Variants in MACROD2 observed in about 807,000 individuals in gnomAD.
The protein encoded by MACROD2 is mono-ADP ribosylhydrolase 2.
In MACROD2, 36 loss-of-function variants were observed where a neutral mutation model predicts 70.4. The ratio of observed to expected loss-of-function variants is 0.51; its 90% CI spans 0.39 to 0.68. The LOEUF (loss-of-function observed/expected upper bound fraction) is 0.68. Among genes scored for constraint, MACROD2 ranks in the 30% least tolerant of loss-of-function variants. The probability of loss-of-function intolerance (pLI) is 0.00; values close to 1 mark genes in which losing one functional copy is unlikely to be tolerated. For synonymous variants in MACROD2, 172 were observed against 178.8 expected (o/e 0.96, Z 0.30); for missense variants, 496 against 538.4 (o/e 0.92, Z 0.78).
At chr20:15,974,724 A>G (rs1394968883) in intron 13 of MACROD2, among the ~76,000 whole-genome samples, 1 of 152,158 alleles carries the variant, frequency 6.6e-6, no homozygotes, top group Non-Finnish European at 1.5e-5. Flanking sequence ...TTTGCTGTAA[A>G]CCTAAAACCA....
intron 8 of MACROD2, among the ~76,000 whole-genome samples, chr20:15,573,244 T>C (rs2048399150): frequency 6.6e-6 from 1 of 152,172 alleles, no homozygotes; most frequent in African/African-American, 2.4e-5. Context: ...AGCAGCATTA[T>C]ATGCCTTCAC....
chr20:15,814,802 T>C (rs1211979465), intron 8 of MACROD2, among the ~76,000 whole-genome samples: 1 of 152,236 alleles, frequency 6.6e-6, no homozygotes, highest in African/African-American at 2.4e-5. Flanking sequence ...CATAAATATT[T>C]TCTGAGTGTA....
At chr20:15,435,095 C>T (rs775798338) in intron 7 of MACROD2, among the ~76,000 whole-genome samples, 27 of 152,030 alleles carry the variant, frequency 1.8e-4, no homozygotes, top group South Asian at 4.2e-4. Context: ...GTGACAGGTA[C>T]GCCAATATCT....
At chr20:14,103,509 C>T (rs1250258912) in intron 3 of MACROD2, among the ~76,000 whole-genome samples, 1 of 151,632 alleles carries the variant, frequency 6.6e-6, no homozygotes, top group Non-Finnish European at 1.5e-5. Flanking sequence ...TTTTTTTTTC[C>T]AGTCTGATTA....
Position 15,255,507 on chromosome 20 carries a change from A to C in MACROD2, c.540+25446A>C, listed in dbSNP as rs146111497. The stretch of plus-strand genomic sequence containing the variant: ...AAATGAGGGAATTAGGTTGACATTT[A>C]CATGGTAGGGTATGAACTGGGTGGT... On this transcript the variant is annotated intron_variant, in intron 6 of 17. Coordinates refer to ENST00000684519, the MANE Select transcript of MACROD2 (RefSeq NM_001351661.2). Among the ~76,000 whole-genome samples the C allele has an allele frequency of 5.8e-3, 883 of 152,256 alleles. 10 individuals are homozygous for C. Among genetic ancestry groups the C allele is most frequent in the African/African-American group, 0.02 (847 of 41,560 alleles).
At chr20:14,215,174 TTTCCATCATATATA>T (rs982409514) in intron 3 of MACROD2, among the ~76,000 whole-genome samples, 7 of 148,416 alleles carry the variant, frequency 4.7e-5, no homozygotes, top group East Asian at 1.9e-4. Context: ...ATATATATAT[TTTCCATCATATATA>T]TTCCATCATA....
intron 8 of MACROD2, among the ~76,000 whole-genome samples, chr20:15,515,668 G>A (rs1168331018): frequency 6.6e-6 from 1 of 152,174 alleles, no homozygotes; most frequent in Admixed American, 6.5e-5. Flanking sequence ...ATGAACGAAT[G>A]TTTTGAATTG....
Position 14,708,307 on chromosome 20 carries a change from G to A in MACROD2, c.418+23348G>A, listed in dbSNP as rs551042531. On this transcript the variant is annotated intron_variant, in intron 5 of 17. Coordinates refer to ENST00000684519, the MANE Select transcript of MACROD2 (RefSeq NM_001351661.2). Reference sequence around the variant, plus strand: ...GTAAATATGTTCAGCTTTGCCAGCTGTATGGTTTCACTTATAAACACTCAA... The same window carrying A: ...GTAAATATGTTCAGCTTTGCCAGCTATATGGTTTCACTTATAAACACTCAA... Among the ~76,000 whole-genome samples, 12 of 152,288 alleles carry A rather than the reference G, an allele frequency of 7.9e-5. No homozygotes were observed. In the East Asian group the frequency reaches 1.4e-3, roughly 17 times the overall value.
intron 1 of MACROD2, among the ~76,000 whole-genome samples, chr20:13,999,970 C>T (rs1299812900): frequency 2.0e-5 from 3 of 152,088 alleles, no homozygotes; most frequent in East Asian, 1.9e-4. Flanking sequence ...GCTGATATCG[C>T]GCTACTGCAC....
intron 10 of MACROD2, among the ~76,000 whole-genome samples, chr20:15,910,556 T>C (rs1471626348): frequency 2.6e-5 from 4 of 152,192 alleles, no homozygotes; most frequent in Non-Finnish European, 5.9e-5. Context: ...TCTGGAGTTG[T>C]CTATGAAGCT....
At chr20:14,337,716 A>C in intron 3 of MACROD2, 1 of 392,814 alleles carries the variant, frequency 2.5e-6, no homozygotes, top group Non-Finnish European at 4.5e-6. Flanking sequence ...TTGTTCAGTG[A>C]GGTAACTGGA....
At chr20:14,878,533 A>G (rs2073575467) in intron 5 of MACROD2, among the ~76,000 whole-genome samples, 1 of 152,162 alleles carries the variant, frequency 6.6e-6, no homozygotes, top group South Asian at 2.1e-4. Context: ...AAACATTACA[A>G]AATAGAGATA....
intron 3 of MACROD2, among the ~76,000 whole-genome samples, chr20:14,088,071 C>T (rs138173966): frequency 1.1e-3 from 164 of 152,056 alleles, no homozygotes; most frequent in Non-Finnish European, 1.6e-3. Flanking sequence ...TGGCTCATGC[C>T]TGTAATCCCA....
chr20:15,992,869 T>G (rs1056910183), intron 15 of MACROD2, among the ~76,000 whole-genome samples: 2 of 152,222 alleles, frequency 1.3e-5, no homozygotes, highest in African/African-American at 4.8e-5. Flanking sequence ...TTTACTCCTC[T>G]CTGCCGAATT....
At chr20:15,112,627 A>G (rs421978) in intron 5 of MACROD2, among the ~76,000 whole-genome samples, 7,800 of 152,224 alleles carry the variant, frequency 0.051, 316 homozygotes, top group Admixed American at 0.11. Context: ...AAAAAAAGTT[A>G]CTGTGGTTAA....
chr20:14,823,810 C>T (rs1347274955), intron 5 of MACROD2, among the ~76,000 whole-genome samples: 3 of 151,768 alleles, frequency 2.0e-5, no homozygotes, highest in Non-Finnish European at 2.9e-5. Flanking sequence ...GTTGTTTTTT[C>T]GCTAAGAAGA....
At chr20:15,390,206 G>T (rs2045773760) in intron 6 of MACROD2, among the ~76,000 whole-genome samples, 1 of 152,122 alleles carries the variant, frequency 6.6e-6, no homozygotes, top group Non-Finnish European at 1.5e-5. Context: ...CTCGTCCTAG[G>T]AGGGATGACT....
intron 5 of MACROD2, among the ~76,000 whole-genome samples, chr20:14,758,267 C>T (rs1238961872): frequency 6.6e-6 from 1 of 151,966 alleles, no homozygotes; most frequent in Non-Finnish European, 1.5e-5. Context: ...TTAAGTGTTA[C>T]TCACTTCAGT....
chr20:15,162,011 T>C (rs1307793925), intron 5 of MACROD2, among the ~76,000 whole-genome samples: 1 of 150,306 alleles, frequency 6.7e-6, no homozygotes, highest in East Asian at 2.0e-4. Context: ...TAAAATGGCT[T>C]AATGGGGTTA....
Sources: gnomAD v4.1 joint callset for allele counts (sites outside exome capture counted in the v4.1 genomes callset) on GRCh38, gnomAD v4.1.1 for gene constraint, MANE v1.5 for transcripts, NCBI Gene and HGNC (gene_info 2026-07-23, HGNC 2026-07-21) for gene names.